The following NTM variants were observed in gnomAD, a reference collection of about 807,000 sequenced individuals.
The protein encoded by NTM is IgLON family member 2.
Under a neutral mutation model 42.1 loss-of-function variants are expected in NTM, and 13 were observed. That is an observed-to-expected ratio of 0.31 (90% confidence interval 0.20 to 0.49). The LOEUF is 0.49. Among genes scored for constraint, NTM ranks in the 20% least tolerant of loss-of-function variants. The probability of loss-of-function intolerance (pLI) is 0.99; values close to 1 mark genes in which losing one functional copy is unlikely to be tolerated. For synonymous variants in NTM, 187 were observed against 179.2 expected (o/e 1.04, Z -0.35); for missense variants, 373 against 452.8 (o/e 0.82, Z 1.60).
intron 2 of NTM, among the ~76,000 whole-genome samples, chr11:132,106,409 G>A (rs1308387917): frequency 1.3e-5 from 2 of 152,250 alleles, no homozygotes; most frequent in Non-Finnish European, 2.9e-5. Context: ...GAAAGGGGCA[G>A]CTTGGTCGGT....
At chr11:131,401,219 A>C (rs972879579) in intron 1 of NTM, among the ~76,000 whole-genome samples, 5 of 152,118 alleles carry the variant, frequency 3.3e-5, no homozygotes, top group Non-Finnish European at 7.4e-5. Context: ...CCACACAAAG[A>C]ATACACTCTC....
chr11:132,015,008 T>C (rs2073115408), intron 2 of NTM, among the ~76,000 whole-genome samples: 1 of 151,910 alleles, frequency 6.6e-6, no homozygotes, highest in Non-Finnish European at 1.5e-5. Context: ...TTTCTTCTAG[T>C]AGTTTTATAG....
At chr11:131,442,848 C>G (rs1406624948) in intron 1 of NTM, among the ~76,000 whole-genome samples, 1 of 151,810 alleles carries the variant, frequency 6.6e-6, no homozygotes, top group Non-Finnish European at 1.5e-5. Flanking sequence ...CAGACACACA[C>G]AAACACCACA....
intron 7 of NTM, among the ~76,000 whole-genome samples, chr11:132,319,054 G>A (rs2095500231): frequency 6.6e-6 from 1 of 152,194 alleles, no homozygotes. Context: ...TTCAACCTAT[G>A]ATTCAACTTA....
intron 2 of NTM, among the ~76,000 whole-genome samples, chr11:132,115,267 G>A (rs2063729972): frequency 1.3e-5 from 2 of 152,144 alleles, no homozygotes; most frequent in South Asian, 4.1e-4. Context: ...TAGTATACTT[G>A]AAGTATATTG....
intron 1 of NTM, among the ~76,000 whole-genome samples, chr11:131,494,074 T>C (rs1565561309): frequency 6.6e-6 from 1 of 152,228 alleles, no homozygotes; most frequent in African/African-American, 2.4e-5. Flanking sequence ...CTCTCTAGAA[T>C]GCACTTTCCC....
chr11:132,198,857 T>A (rs763750799), intron 3 of NTM, among the ~76,000 whole-genome samples: 11 of 152,170 alleles, frequency 7.2e-5, no homozygotes, highest in Non-Finnish European at 1.3e-4. Context: ...GTTGGCAAAT[T>A]TTGAACTTTT....
intron 2 of NTM, among the ~76,000 whole-genome samples, chr11:132,090,952 T>G (rs900173905): frequency 6.6e-6 from 1 of 152,236 alleles, no homozygotes; most frequent in African/African-American, 2.4e-5. Flanking sequence ...CCTCTGTCCC[T>G]GTTTTTCTAT....
intron 1 of NTM, among the ~76,000 whole-genome samples, chr11:131,893,555 T>A (rs2051730681): frequency 6.6e-6 from 1 of 152,202 alleles, no homozygotes; most frequent in Non-Finnish European, 1.5e-5. Flanking sequence ...GCAGAAGACG[T>A]GTGGACACAG....
At chr11:132,194,204 T>A (rs2079792731) in intron 3 of NTM, among the ~76,000 whole-genome samples, 1 of 151,476 alleles carries the variant, frequency 6.6e-6, no homozygotes, top group African/African-American at 2.4e-5. Flanking sequence ...TGAACATAGG[T>A]ACAAAAATCC....
chr11:132,217,895 C>T (rs921297211), intron 4 of NTM, among the ~76,000 whole-genome samples: 1 of 152,076 alleles, frequency 6.6e-6, no homozygotes, highest in Non-Finnish European at 1.5e-5. Context: ...CACCATACAT[C>T]CACCTATTTT....
chr11:131,435,043 G>A (rs1788380892), intron 1 of NTM, among the ~76,000 whole-genome samples: 1 of 152,170 alleles, frequency 6.6e-6, no homozygotes, highest in African/African-American at 2.4e-5. Context: ...TTATTAAATA[G>A]GGAGTCCTTT....
chr11:131,769,442 G>C (rs2085676494), intron 1 of NTM: 1 of 191,198 alleles, frequency 5.2e-6, no homozygotes, highest in Non-Finnish European at 9.6e-6. Context: ...AAACAGGGAG[G>C]AAAGAAAAAG....
At chr11:131,693,673 C>T (rs1450510093) in intron 1 of NTM, among the ~76,000 whole-genome samples, 1 of 152,190 alleles carries the variant, frequency 6.6e-6, no homozygotes, top group Non-Finnish European at 1.5e-5. Context: ...TCCTTTGTCT[C>T]AGTGTCATCC....
At chr11:132,267,145 C>G (rs140200301) in intron 4 of NTM, among the ~76,000 whole-genome samples, 8 of 152,264 alleles carry the variant, frequency 5.3e-5, no homozygotes, top group African/African-American at 1.9e-4. Context: ...GTAGCTAGAT[C>G]AAAGGATTTT....
chr11:131,646,770 T>C (rs758127699), intron 1 of NTM, among the ~76,000 whole-genome samples: 9 of 152,214 alleles, frequency 5.9e-5, no homozygotes, highest in Non-Finnish European at 1.3e-4. Flanking sequence ...AAAGGGGGTT[T>C]CAATCTCAGC....
chr11:132,160,863 C>T (rs4592430), intron 3 of NTM, among the ~76,000 whole-genome samples: 42,188 of 152,012 alleles, frequency 0.28, 6,452 homozygotes, highest in Non-Finnish European at 0.35. Context: ...AAAGCATCCC[C>T]CGCAGGCAGT....
At chr11:132,213,134 A>G (rs145383108) in intron 4 of NTM, among the ~76,000 whole-genome samples, 17 of 152,136 alleles carry the variant, frequency 1.1e-4, no homozygotes, top group African/African-American at 3.6e-4. Context: ...TTAATGTGAA[A>G]TGTGTGTATG....
intron 4 of NTM, among the ~76,000 whole-genome samples, chr11:132,234,223 T>C (rs1302455675): frequency 6.6e-6 from 1 of 152,214 alleles, no homozygotes; most frequent in Non-Finnish European, 1.5e-5. Flanking sequence ...TGTTTTTGGA[T>C]AGTGGCACTG....
Sources: gnomAD v4.1 joint callset for allele counts (sites outside exome capture counted in the v4.1 genomes callset) on GRCh38, gnomAD v4.1.1 for gene constraint, MANE v1.5 for transcripts, NCBI Gene and HGNC (gene_info 2026-07-23, HGNC 2026-07-21) for gene names.